Variants in TMEM116 observed in about 807,000 individuals in gnomAD.
TMEM116 encodes the protein transmembrane protein 116.
A neutral mutation model predicts 44.3 loss-of-function variants in TMEM116; 38 were observed. That is an observed-to-expected ratio of 0.86 (90% CI 0.66 to 1.12). The LOEUF is 1.12. Ranked by LOEUF, TMEM116 falls within the 50% of genes most tolerant of loss-of-function variation. The pLI is 0.00. For missense variants in TMEM116, 354 were observed against 401.7 expected (o/e 0.88, Z 1.01); for synonymous variants, 132 against 144.8 (o/e 0.91, Z 0.64).
chr12:111,949,053 G>A (rs2073512712), intron 4 of TMEM116, among the ~76,000 whole-genome samples: 1 of 152,260 alleles, frequency 6.6e-6, no homozygotes, highest in Non-Finnish European at 1.5e-5. Flanking sequence ...GTTAGAGGCT[G>A]CAGTGAACTA....
chr12:111,932,664 G>C lies in TMEM116; in HGVS notation c.734-5C>G. The stretch of plus-strand genomic sequence containing the variant: ...TTATGATCATTAGAATGACAGCTGT[G>C]AATACACAAAGTGTAAACCTTCTTG... On this transcript the variant is annotated splice_polypyrimidine_tract_variant and splice_region_variant and intron_variant, in intron 9 of 10. Coordinates refer to ENST00000552374, the MANE Select transcript of TMEM116 (RefSeq NM_001193531.2). 1 of 1,613,406 alleles carries C rather than the reference G, an allele frequency of 6.2e-7. No homozygotes were observed. Among genetic ancestry groups the C allele is most frequent in the Non-Finnish European group, 8.5e-7 (1 of 1,179,354 alleles).
intron 4 of TMEM116, among the ~76,000 whole-genome samples, chr12:111,954,635 G>A (rs2073958928): frequency 6.6e-6 from 1 of 152,192 alleles, no homozygotes; most frequent in Non-Finnish European, 1.5e-5. Context: ...GGCAGCTGTT[G>A]AACCCAGGTC....
intron 4 of TMEM116, among the ~76,000 whole-genome samples, chr12:111,983,506 A>T (rs1321123721): frequency 6.6e-6 from 1 of 151,870 alleles, no homozygotes; most frequent in Non-Finnish European, 1.5e-5. Context: ...CTGAGGTGGG[A>T]GGATTGCTTG....
chr12:112,013,071 G>C lies in TMEM116; in HGVS notation c.-103C>G, dbSNP rs544315167. The C allele has an allele frequency of 5.4e-6, 1 of 184,754 alleles. No individual in the cohort carries two copies. The highest frequency in any genetic ancestry group is 1.5e-4 in the East Asian group (1 of 6,650). The allele number at this position is 184,754 out of a possible 1,614,324, so 11.4% of individuals were successfully genotyped here. Reference sequence around the variant, plus strand: ...GCAGGAAGAAACGATGGTAGGCCTTGTCATCTTCGAAGGAGAGGAAGGACA... The same window carrying C: ...GCAGGAAGAAACGATGGTAGGCCTTCTCATCTTCGAAGGAGAGGAAGGACA... On this transcript the variant is annotated 5_prime_UTR_variant, in exon 1 of 11. Coordinates refer to ENST00000552374, the MANE Select transcript of TMEM116 (RefSeq NM_001193531.2).
chr12:111,934,110 A>C, intron 8 of TMEM116, 80 bp from the exon 9 acceptor site: 1 of 1,468,702 alleles, frequency 6.8e-7, no homozygotes, highest in Non-Finnish European at 9.2e-7. Context: ...CATTTTAAAA[A>C]GATTATTCTC....
intron 4 of TMEM116, among the ~76,000 whole-genome samples, chr12:111,945,233 A>C (rs1358570300): frequency 3.3e-5 from 5 of 150,426 alleles, no homozygotes; most frequent in Admixed American, 6.7e-5. Context: ...AGTCCCAGCT[A>C]CTTGGGAGGC....
At chr12:111,989,831 G>T (rs541182982) in intron 4 of TMEM116, among the ~76,000 whole-genome samples, 3 of 152,158 alleles carry the variant, frequency 2.0e-5, no homozygotes, top group African/African-American at 4.8e-5. Context: ...GAGGGTGATG[G>T]AAACAGGAAT....
intron 4 of TMEM116, among the ~76,000 whole-genome samples, chr12:111,977,428 G>A (rs2075731735): frequency 6.6e-6 from 1 of 152,074 alleles, no homozygotes; most frequent in Non-Finnish European, 1.5e-5. Context: ...TGTGCTAAAT[G>A]CCACTGAATT....
At chr12:111,975,936 T>A (rs1246080705) in intron 4 of TMEM116, among the ~76,000 whole-genome samples, 3 of 152,170 alleles carry the variant, frequency 2.0e-5, no homozygotes, top group African/African-American at 7.2e-5. Flanking sequence ...GGGGCTTCAG[T>A]GTAATTATAA....
At chr12:111,934,138 G>A in intron 8 of TMEM116, 108 bp from the exon 9 acceptor site, 1 of 1,243,628 alleles carries the variant, frequency 8.0e-7, no homozygotes, top group African/African-American at 1.5e-5. Flanking sequence ...CTCACAACAG[G>A]AACGACCCCA....
At chr12:111,992,181 A>G (rs2136629634) in intron 3 of TMEM116, among the ~76,000 whole-genome samples, 1 of 152,356 alleles carries the variant, frequency 6.6e-6, no homozygotes, top group South Asian at 2.1e-4. Context: ...GGGTTAAAAA[A>G]AGAGTGGAAA....
At chr12:111,939,131 T>C (rs920028338) in intron 5 of TMEM116, among the ~76,000 whole-genome samples, 1 of 152,164 alleles carries the variant, frequency 6.6e-6, no homozygotes, top group African/African-American at 2.4e-5. Context: ...ACTCCTATTT[T>C]TACCTGGGTA....
intron 5 of TMEM116, among the ~76,000 whole-genome samples, chr12:111,942,535 G>C (rs2072924385): frequency 6.6e-6 from 1 of 152,104 alleles, no homozygotes; most frequent in South Asian, 2.1e-4. Context: ...GCCTCCCTAA[G>C]TGCTGAGATT....
At chr12:111,986,707 G>A (rs1358915671) in intron 4 of TMEM116, among the ~76,000 whole-genome samples, 1 of 151,940 alleles carries the variant, frequency 6.6e-6, no homozygotes, top group Non-Finnish European at 1.5e-5. Flanking sequence ...TACTTGGGAG[G>A]CTGAGGTGGG....
intron 4 of TMEM116, among the ~76,000 whole-genome samples, chr12:111,985,175 A>C (rs2076155642): frequency 6.6e-6 from 1 of 152,166 alleles, no homozygotes; most frequent in Non-Finnish European, 1.5e-5. Flanking sequence ...AGCTAGAGCA[A>C]TTAAGCAAGA....
At chr12:111,953,755 C>G (rs956562943) in intron 4 of TMEM116, among the ~76,000 whole-genome samples, 4 of 152,164 alleles carry the variant, frequency 2.6e-5, no homozygotes, top group South Asian at 4.1e-4. Flanking sequence ...CCATCATATT[C>G]CCATTGCAGT....
intron 1 of TMEM116, among the ~76,000 whole-genome samples, chr12:112,006,450 G>T (rs2077589715): frequency 6.6e-6 from 1 of 152,224 alleles, no homozygotes; most frequent in African/African-American, 2.4e-5. Flanking sequence ...ATGGAAAAGA[G>T]AGATTGCATA....
intron 4 of TMEM116, among the ~76,000 whole-genome samples, chr12:111,953,533 A>G (rs968516837): frequency 7.2e-5 from 11 of 152,178 alleles, no homozygotes; most frequent in African/African-American, 2.7e-4. Context: ...AACCATCACA[A>G]AAGATCCTGC....
intron 4 of TMEM116, among the ~76,000 whole-genome samples, chr12:111,982,210 A>G (rs2075979741): frequency 6.6e-6 from 1 of 152,152 alleles, no homozygotes; most frequent in Admixed American, 6.5e-5. Flanking sequence ...AATGTTAAGT[A>G]TGTGAGGTAA....
Sources: gnomAD v4.1 joint callset for allele counts (sites outside exome capture counted in the v4.1 genomes callset) on GRCh38, gnomAD v4.1.1 for gene constraint, MANE v1.5 for transcripts, NCBI Gene and HGNC (gene_info 2026-07-23, HGNC 2026-07-21) for gene names.